ZNF19: variants seen among roughly 807,000 people sequenced by gnomAD.
ZNF19 encodes the protein zinc finger protein 19 (KOX 12).
A neutral mutation model predicts 13.1 loss-of-function variants in ZNF19; 11 were observed. The observed-to-expected ratio is 0.84, with a 90% CI of 0.53 to 1.39. The LOEUF (loss-of-function observed/expected upper bound fraction) is 1.39. ZNF19 is among the 40% of genes most tolerant of loss of function. The pLI, the probability that ZNF19 is intolerant of heterozygous loss-of-function variation, is 0.00. For synonymous variants in ZNF19, 186 were observed against 187.0 expected, an observed-to-expected ratio of 0.99 and a Z score of 0.04; for missense variants, 560 against 547.0, an observed-to-expected ratio of 1.02 and a Z score of -0.24.
intron 1 of ZNF19, among the ~76,000 whole-genome samples, chr16:71,487,581 A>G (rs1022884662): frequency 1.3e-5 from 2 of 152,184 alleles, no homozygotes; most frequent in East Asian, 1.9e-4. Flanking sequence ...TTAGATTCCA[A>G]TGGGAACCAC....
At chr16:71,478,543 G>C (rs1274894620) in intron 4 of ZNF19, 1 of 696,036 alleles carries the variant, frequency 1.4e-6, no homozygotes, top group East Asian at 2.7e-5. Flanking sequence ...AAGTCAGTGA[G>C]ATCCACAAGG....
intron 1 of ZNF19, among the ~76,000 whole-genome samples, chr16:71,485,129 G>A (rs534362256): frequency 3.3e-5 from 5 of 152,168 alleles, no homozygotes; most frequent in Non-Finnish European, 7.4e-5. Flanking sequence ...CCTCCTTAGA[G>A]GTAAAGACCC....
intron 5 of ZNF19, 65 bp from the exon 6 acceptor site, chr16:71,476,337 T>A (rs2043602913): frequency 2.7e-6 from 4 of 1,480,456 alleles, no homozygotes; most frequent in Non-Finnish European, 3.6e-6. Context: ...TAATAGAGCA[T>A]TGAAAATGAT....
At position 71,484,762 on chromosome 16, in the gene ZNF19, G is replaced by T. The variant is rs1292318406; in HGVS notation, c.-189-14C>A. ...ATCCTCAGAGACCTTGAATAGGAAA[G>T]AAAGTATATCATTGTTTTCGCTAAT... On this transcript the variant is annotated splice_polypyrimidine_tract_variant and intron_variant, in intron 1 of 5. Coordinates refer to ENST00000288177, the MANE Select transcript of ZNF19 (RefSeq NM_006961.4). The T allele has an allele frequency of 1.0e-6, 1 of 983,708 alleles. No homozygotes were observed. Among genetic ancestry groups the T allele is most frequent in the African/African-American group, 1.7e-5 (1 of 57,190 alleles). The allele number at this position is 983,708 out of a possible 1,614,324, so 60.9% of individuals were successfully genotyped here. A position where few individuals can be genotyped will look rare whatever the true frequency, so the allele number is the denominator to read the frequency against.
chr16:71,489,095 C>T (rs1287923258), intron 1 of ZNF19, 177 bp downstream of exon 1: 5 of 280,416 alleles, frequency 1.8e-5, no homozygotes, highest in Non-Finnish European at 2.7e-5. Context: ...AGCGGCAAAG[C>T]TTGCAGCTGT....
At chr16:71,484,510 G>C (rs1179211842) in intron 2 of ZNF19, 79 bp downstream of exon 2, 13 of 985,296 alleles carry the variant, frequency 1.3e-5, no homozygotes, top group Non-Finnish European at 1.6e-5. Flanking sequence ...AGGCAGCAGG[G>C]ACGAAGCCGA....
chr16:71,478,574 G>C, intron 4 of ZNF19: 1 of 685,134 alleles, frequency 1.5e-6, no homozygotes, highest in Non-Finnish European at 2.6e-6. Context: ...CACAGGGAAG[G>C]GGACATGCCC....
chr16:71,478,864 G>A lies in ZNF19; in HGVS notation c.160+15C>T. On this transcript the variant is annotated intron_variant, in intron 4 of 5. Coordinates refer to ENST00000288177, the MANE Select transcript of ZNF19 (RefSeq NM_006961.4). The stretch of plus-strand genomic sequence containing the variant: ...AAAAGTACAGATCTGAGTCCTAGGA[G>A]GAAAATGGCCTTACCCAAAGCAGTC... 1 of 1,612,888 alleles carries A rather than the reference G, an allele frequency of 6.2e-7. No individual in the cohort carries two copies. Among genetic ancestry groups the A allele is most frequent in the East Asian group, 2.2e-5 (1 of 44,854 alleles).
At chr16:71,478,767 GA>G (rs1480146478) in intron 4 of ZNF19, 111 bp downstream of exon 4, 1 of 1,416,058 alleles carries the variant, frequency 7.1e-7, no homozygotes, top group Non-Finnish European at 9.6e-7. Context: ...CTCAGTGGAG[GA>G]CACAAGAGAC....
At chr16:71,478,386 G>T in intron 4 of ZNF19, 45 bp from the exon 5 acceptor site, 3 of 1,431,072 alleles carry the variant, frequency 2.1e-6, no homozygotes, top group Non-Finnish European at 2.9e-6. Context: ...TGTATCTGCT[G>T]TGTCAAAAGA....
At chr16:71,479,113 G>A (rs1213453741) in intron 3 of ZNF19, 108 bp from the exon 4 acceptor site, 2 of 1,500,044 alleles carry the variant, frequency 1.3e-6, no homozygotes. Flanking sequence ...GTGAGGGATA[G>A]GTAATGAGAA....
chr16:71,485,474 C>CAAA (rs370547211), intron 1 of ZNF19, among the ~76,000 whole-genome samples: 47 of 131,124 alleles, frequency 3.6e-4, no homozygotes, highest in African/African-American at 1.1e-3. Flanking sequence ...ACCAAAAAAA[C>CAAA]AAAAAAAAAC....
At chr16:71,489,113 C>A (rs1300498929) in intron 1 of ZNF19, 159 bp downstream of exon 1, 1 of 390,856 alleles carries the variant, frequency 2.6e-6, no homozygotes, top group Non-Finnish European at 3.5e-6. Flanking sequence ...TGTACAGCCT[C>A]CAAGAGCAAA....
chr16:71,476,984 G>A (rs148880671), intron 5 of ZNF19, among the ~76,000 whole-genome samples: 8 of 152,264 alleles, frequency 5.3e-5, no homozygotes, highest in Non-Finnish European at 1.0e-4. Flanking sequence ...AGTTTACTTA[G>A]ACACACCCAG....
At chr16:71,485,456 A>C (rs2043671207) in intron 1 of ZNF19, among the ~76,000 whole-genome samples, 1 of 149,086 alleles carries the variant, frequency 6.7e-6, no homozygotes, top group South Asian at 2.1e-4. Context: ...ATCTCAAAAA[A>C]AAAAAAAACC....
intron 5 of ZNF19, among the ~76,000 whole-genome samples, chr16:71,476,665 A>G (rs1207532667): frequency 6.6e-6 from 1 of 152,254 alleles, no homozygotes; most frequent in Non-Finnish European, 1.5e-5. Flanking sequence ...GAAACAGAAC[A>G]GTATCAGAAA....
intron 4 of ZNF19, 22 bp downstream of exon 4, chr16:71,478,857 C>T: frequency 6.2e-7 from 1 of 1,612,546 alleles, no homozygotes; most frequent in Non-Finnish European, 8.5e-7. Context: ...AGATCTGAGT[C>T]CTAGGAGGAA....
intron 3 of ZNF19, among the ~76,000 whole-genome samples, chr16:71,479,534 C>T (rs907177955): frequency 2.6e-5 from 4 of 152,156 alleles, no homozygotes; most frequent in African/African-American, 9.7e-5. Context: ...GACTCCCATT[C>T]GATTCTTGTA....
chr16:71,475,555 C>T lies in ZNF19; in HGVS notation c.992G>A (p.Cys331Tyr). Residue 331 changes from cysteine to tyrosine, a missense_variant, in exon 6 of 6, where the codon TGT (cysteine) becomes TAT (tyrosine). Transcript: ENST00000288177. Reference sequence around the variant, plus strand: ...ATTGAAGGCTTGTCCACATACTTTACAAGAATAAGGCTTTTCCCCTGTGTG... The same window carrying T: ...ATTGAAGGCTTGTCCACATACTTTATAAGAATAAGGCTTTTCCCCTGTGTG... ...RIHTGEKPYS[C>Y]KVCGQAFNFH... 2 of 1,614,114 alleles carry T rather than the reference C, an allele frequency of 1.2e-6. No individual in the cohort carries two copies. Among genetic ancestry groups the T allele is most frequent in the Non-Finnish European group, 1.7e-6 (2 of 1,180,018 alleles).
Sources: allele counts gnomAD v4.1 joint callset (sites outside exome capture counted in the v4.1 genomes callset), GRCh38; gene constraint gnomAD v4.1.1; transcripts MANE v1.5; gene names NCBI Gene and HGNC (gene_info 2026-07-23, HGNC 2026-07-21).